GRID2: variants seen among roughly 807,000 people sequenced by gnomAD.
GRID2 encodes the protein glutamate receptor ionotropic, delta-2.
A neutral mutation model predicts 114.8 loss-of-function variants in GRID2; 33 were observed. The observed-to-expected ratio is 0.29, with a 90% CI of 0.22 to 0.38. GRID2 has a LOEUF of 0.38. Among genes scored for constraint, GRID2 ranks in the 10% least tolerant of loss-of-function variants. The probability of loss-of-function intolerance (pLI) is 1.00; values close to 1 mark genes in which losing one functional copy is unlikely to be tolerated. For synonymous variants in GRID2, 505 were observed against 449.9 expected (o/e 1.12, Z -1.55); for missense variants, 1,184 against 1,257.7 (o/e 0.94, Z 0.89).
At chr4:92,849,503 C>A (rs1181213000) in intron 2 of GRID2, among the ~76,000 whole-genome samples, 1 of 151,906 alleles carries the variant, frequency 6.6e-6, no homozygotes, top group African/African-American at 2.4e-5. Context: ...TGGAGAAAAA[C>A]ATATCCTATA....
chr4:92,962,458 C>G (rs919649599), intron 2 of GRID2, among the ~76,000 whole-genome samples: 4 of 151,758 alleles, frequency 2.6e-5, no homozygotes, highest in Non-Finnish European at 4.4e-5. Flanking sequence ...AATGGGCTGA[C>G]GTTGAGTATT....
At chr4:92,878,216 T>C (rs963759573) in intron 2 of GRID2, among the ~76,000 whole-genome samples, 1 of 152,160 alleles carries the variant, frequency 6.6e-6, no homozygotes, top group African/African-American at 2.4e-5. Flanking sequence ...ATTGTCTGCA[T>C]TACATTAATT....
intron 2 of GRID2, among the ~76,000 whole-genome samples, chr4:92,797,813 T>C (rs976180535): frequency 3.3e-5 from 5 of 151,954 alleles, no homozygotes; most frequent in Non-Finnish European, 5.9e-5. Context: ...ACCTATGCAA[T>C]TGAAACCCAT....
At chr4:93,081,399 T>C (rs1156292743) in intron 2 of GRID2, among the ~76,000 whole-genome samples, 1 of 152,188 alleles carries the variant, frequency 6.6e-6, no homozygotes, top group Non-Finnish European at 1.5e-5. Context: ...GAAATGAAAA[T>C]GTTAGTGTAC....
At chr4:93,530,333 GT>G (rs1194569019) in intron 13 of GRID2, among the ~76,000 whole-genome samples, 3 of 152,034 alleles carry the variant, frequency 2.0e-5, no homozygotes, top group African/African-American at 7.2e-5. Context: ...GTATTATTCT[GT>G]TTTTCAGTAT....
chr4:93,420,041 T>A (rs1768113297), intron 9 of GRID2, among the ~76,000 whole-genome samples: 1 of 150,938 alleles, frequency 6.6e-6, no homozygotes, highest in South Asian at 2.1e-4. Flanking sequence ...ACATAGCCGA[T>A]TTTTTTTGGT....
chr4:93,628,273 G>C (rs1017425672), intron 14 of GRID2, among the ~76,000 whole-genome samples: 3 of 152,126 alleles, frequency 2.0e-5, no homozygotes, highest in African/African-American at 7.2e-5. Context: ...TTGGCATCTA[G>C]TTGGAGATAT....
chr4:93,422,721 T>C (rs767461261), intron 9 of GRID2, 50 bp from the exon 10 acceptor site: 1 of 1,125,172 alleles, frequency 8.9e-7, no homozygotes, highest in South Asian at 1.3e-5. Flanking sequence ...ATCTTTGCTT[T>C]TAGGGAGCAC....
intron 1 of GRID2, among the ~76,000 whole-genome samples, chr4:92,582,393 G>T (rs2149203803): frequency 6.6e-6 from 1 of 151,672 alleles, no homozygotes; most frequent in Admixed American, 6.6e-5. Context: ...TGCAAAGATT[G>T]TTATTTAAAC....
chr4:93,029,082 A>G (rs1724148434), intron 2 of GRID2, among the ~76,000 whole-genome samples: 1 of 152,138 alleles, frequency 6.6e-6, no homozygotes, highest in Non-Finnish European at 1.5e-5. Context: ...CTGAGTTCCC[A>G]TTACATGGAG....
At chr4:92,995,777 C>G (rs934737370) in intron 2 of GRID2, among the ~76,000 whole-genome samples, 4 of 152,210 alleles carry the variant, frequency 2.6e-5, no homozygotes, top group Non-Finnish European at 4.4e-5. Flanking sequence ...ATAGCATTTT[C>G]TCTATCTTTT....
chr4:92,533,446 CACAT>C (rs71579567), intron 1 of GRID2, among the ~76,000 whole-genome samples: 3,890 of 149,984 alleles, frequency 0.026, 71 homozygotes, highest in East Asian at 0.06. Flanking sequence ...AGTACTAGGA[CACAT>C]ACATACATAC....
At chr4:92,974,677 C>A (rs529790993) in intron 2 of GRID2, among the ~76,000 whole-genome samples, 1 of 149,704 alleles carries the variant, frequency 6.7e-6, no homozygotes, top group Non-Finnish European at 1.5e-5. Flanking sequence ...CACACCAGAA[C>A]GTGTCGCGGG....
chr4:93,063,754 C>A (rs1223806899), intron 2 of GRID2, among the ~76,000 whole-genome samples: 2 of 151,658 alleles, frequency 1.3e-5, no homozygotes, highest in East Asian at 3.9e-4. Flanking sequence ...TCTAAGTAGA[C>A]CTGTAAGCAT....
At chr4:93,145,809 TAATG>T (rs1437342954) in intron 4 of GRID2, among the ~76,000 whole-genome samples, 1 of 151,508 alleles carries the variant, frequency 6.6e-6, no homozygotes, top group African/African-American at 2.4e-5. Context: ...GGTCTACTCT[TAATG>T]GATGATTCAC....
intron 4 of GRID2, among the ~76,000 whole-genome samples, chr4:93,161,092 A>T (rs1737650729): frequency 6.6e-6 from 1 of 151,804 alleles, no homozygotes; most frequent in Non-Finnish European, 1.5e-5. Context: ...TACAGTCATC[A>T]TTTTCTCAGT....
chr4:93,358,625 G>C (rs943765424), intron 8 of GRID2, among the ~76,000 whole-genome samples: 3 of 151,826 alleles, frequency 2.0e-5, no homozygotes, highest in Non-Finnish European at 4.4e-5. Context: ...AAACAAAAAA[G>C]TGCTGATAAA....
At chr4:92,400,138 A>G (rs1730716254) in intron 1 of GRID2, among the ~76,000 whole-genome samples, 2 of 152,216 alleles carry the variant, frequency 1.3e-5, no homozygotes, top group Non-Finnish European at 1.5e-5. Flanking sequence ...TCTCTTTTAA[A>G]GTGTATAGTT....
chr4:92,613,286 G>A (rs1008419883), intron 2 of GRID2, among the ~76,000 whole-genome samples: 1 of 151,280 alleles, frequency 6.6e-6, no homozygotes, highest in Admixed American at 6.6e-5. Context: ...AGGTTATGGA[G>A]TAAAATATTT....
Sources: gnomAD v4.1 joint callset for allele counts (sites outside exome capture counted in the v4.1 genomes callset) on GRCh38, gnomAD v4.1.1 for gene constraint, MANE v1.5 for transcripts, NCBI Gene and HGNC (gene_info 2026-07-23, HGNC 2026-07-21) for gene names.